Variants in TOM1L2 observed in about 807,000 individuals in gnomAD.
TOM1L2 encodes target of myb1 like 2 membrane trafficking protein.
TOM1L2 carries 31 observed loss-of-function variants against 67.9 expected under a neutral mutation model. The observed-to-expected ratio is 0.46, with a 90% CI of 0.34 to 0.62. The LOEUF is 0.62. Ranked by LOEUF, TOM1L2 falls within the 20% of genes least tolerant of loss-of-function variation. The pLI is 0.01. For synonymous variants in TOM1L2, 256 were observed against 254.0 expected, an observed-to-expected ratio of 1.01 and a Z score of -0.07; for missense variants, 606 against 663.5, an observed-to-expected ratio of 0.91 and a Z score of 0.95.
intron 1 of TOM1L2, among the ~76,000 whole-genome samples, chr17:17,938,601 C>G (rs1568329116): frequency 1.3e-5 from 2 of 152,156 alleles, no homozygotes; most frequent in Admixed American, 1.3e-4. Flanking sequence ...TTACAAATCT[C>G]TCCAGATTCC....
chr17:17,899,834 C>G (rs570008800), intron 2 of TOM1L2, among the ~76,000 whole-genome samples: 25 of 152,322 alleles, frequency 1.6e-4, no homozygotes, highest in African/African-American at 6.0e-4. Flanking sequence ...CATTTATACT[C>G]TACCAAATGA....
intron 6 of TOM1L2, among the ~76,000 whole-genome samples, chr17:17,880,173 C>T (rs1219026167): frequency 6.6e-6 from 1 of 152,166 alleles, no homozygotes; most frequent in Non-Finnish European, 1.5e-5. Context: ...TCCTATTCTA[C>T]AAAGCTCTGA....
chr17:17,846,999 GC>G lies in TOM1L2; in HGVS notation c.*635del, dbSNP rs536380193. 1.5e-3 allele frequency: 233 copies of G among 152,568 alleles called. 1 individual carries two copies. The highest frequency in any genetic ancestry group is 2.6e-3 in the Non-Finnish European group (178 of 68,234). The allele number at this position is 152,568 out of a possible 1,614,324, so 9.5% of individuals were successfully genotyped here. On this transcript the variant is annotated 3_prime_UTR_variant, in exon 15 of 15. Transcript: ENST00000379504. Reference sequence around the variant, plus strand: ...CCTCGGTGCCAGGCTCGGCTGCTGAGCCAGCTTGGGTGTGAAGCCTGGGCTG... The same window carrying G: ...CCTCGGTGCCAGGCTCGGCTGCTGAGCAGCTTGGGTGTGAAGCCTGGGCTG...
At chr17:17,918,916 T>C (rs1354889390) in intron 1 of TOM1L2, among the ~76,000 whole-genome samples, 5 of 152,196 alleles carry the variant, frequency 3.3e-5, no homozygotes, top group African/African-American at 1.2e-4. Flanking sequence ...GAGGGCCCTT[T>C]ATAAGTAAAA....
chr17:17,889,755 G>C (rs539818182), intron 4 of TOM1L2, among the ~76,000 whole-genome samples: 5 of 152,346 alleles, frequency 3.3e-5, no homozygotes, highest in Admixed American at 3.3e-4. Flanking sequence ...GCCAGTTTAA[G>C]TCCTTCCTGG....
At chr17:17,899,665 T>C (rs911672859) in intron 2 of TOM1L2, among the ~76,000 whole-genome samples, 2 of 152,218 alleles carry the variant, frequency 1.3e-5, no homozygotes, top group African/African-American at 4.8e-5. Context: ...ACCTGACCCA[T>C]CACCCTATGC....
intron 1 of TOM1L2, among the ~76,000 whole-genome samples, chr17:17,954,814 G>C (rs1404469233): frequency 6.6e-6 from 1 of 152,116 alleles, no homozygotes; most frequent in Non-Finnish European, 1.5e-5. Context: ...GTTAGAGGAG[G>C]AGAAAACTAA....
chr17:17,873,174 G>A (rs111589513), intron 7 of TOM1L2, among the ~76,000 whole-genome samples: 38 of 152,276 alleles, frequency 2.5e-4, no homozygotes, highest in African/African-American at 8.9e-4. Flanking sequence ...GCCTCAGGAT[G>A]TTTCCCCACT....
intron 1 of TOM1L2, among the ~76,000 whole-genome samples, chr17:17,965,144 G>A (rs1568403919): frequency 6.6e-6 from 1 of 151,502 alleles, no homozygotes; most frequent in South Asian, 2.1e-4. Context: ...TAGAGAGAAT[G>A]ATCTTCTGGT....
chr17:17,868,200 C>G (rs937110804), intron 8 of TOM1L2, among the ~76,000 whole-genome samples: 1 of 152,224 alleles, frequency 6.6e-6, no homozygotes, highest in Non-Finnish European at 1.5e-5. Context: ...ATATCTGCTC[C>G]TGTTCTCCAA....
chr17:17,898,826 A>T (rs773723970), intron 2 of TOM1L2, 152 bp from the exon 3 acceptor site: 1 of 714,554 alleles, frequency 1.4e-6, no homozygotes, highest in African/African-American at 1.8e-5. Context: ...ATGTCCATCA[A>T]TACACAACAG....
At chr17:17,906,548 G>A (rs1432930182) in intron 2 of TOM1L2, among the ~76,000 whole-genome samples, 1 of 152,118 alleles carries the variant, frequency 6.6e-6, no homozygotes, top group Admixed American at 6.6e-5. Context: ...CTTGTTTATG[G>A]CCTGCCTCCC....
intron 1 of TOM1L2, among the ~76,000 whole-genome samples, chr17:17,962,438 G>A (rs9905284): frequency 0.49 from 73,905 of 151,296 alleles, 19,058 homozygotes; most frequent in East Asian, 0.86. Flanking sequence ...TCAGCCTCCC[G>A]AGTACCTGGG....
In TOM1L2 at chr17:17,861,478, C is replaced by A; in HGVS notation, c.1276G>T (p.Gly426Trp). 1 of 1,614,002 alleles carries A rather than the reference C, an allele frequency of 6.2e-7. No homozygotes were observed. The highest frequency in any genetic ancestry group is 1.7e-5 in the Admixed American group (1 of 60,030). Reference protein sequence around the residue: ...ALDNRKQSSEGIPVAQPSVMD... With the variant: ...ALDNRKQSSEWIPVAQPSVMD... ...GAAAAACAGGGTTAAAGACCTACCC[C>A]TTCTGAACTCTGTTTTCGATTGTCT... is the stretch of plus-strand genomic sequence containing the variant. The change falls in exon 12 of 15, where the codon GGG (glycine) becomes TGG (tryptophan). Residue 426 changes from glycine (G) to tryptophan (W), a missense_variant and splice_region_variant. Physicochemically the swap from Gly to Trp is radical, Grantham distance 184. This residue lies in a region of TOM1L2 where 543 missense variants were observed against 554.0 expected (regional missense o/e 0.98). Coordinates refer to ENST00000379504, the MANE Select transcript of TOM1L2 (RefSeq NM_001082968.2).
intron 1 of TOM1L2, among the ~76,000 whole-genome samples, chr17:17,920,021 G>C (rs1276378220): frequency 1.3e-5 from 2 of 152,120 alleles, no homozygotes; most frequent in African/African-American, 4.8e-5. Context: ...CCATCCTCAG[G>C]TAGAGGGTCA....
chr17:17,925,826 G>C (rs1345562862), intron 1 of TOM1L2, among the ~76,000 whole-genome samples: 2 of 148,144 alleles, frequency 1.4e-5, no homozygotes, highest in Non-Finnish European at 3.0e-5. Flanking sequence ...CTGTACTCTA[G>C]CCTGGGTGAC....
intron 13 of TOM1L2, among the ~76,000 whole-genome samples, chr17:17,850,637 T>C (rs574197575): frequency 1.3e-5 from 2 of 152,326 alleles, no homozygotes; most frequent in Non-Finnish European, 2.9e-5. Flanking sequence ...CGGCTAGGAC[T>C]GTGTGGGTGA....
intron 10 of TOM1L2, chr17:17,863,473 G>C (rs903122366): frequency 6.6e-6 from 1 of 152,142 alleles, no homozygotes; most frequent in Non-Finnish European, 1.5e-5. Context: ...GGTGTGTGAA[G>C]TGAACAACGC....
intron 7 of TOM1L2, among the ~76,000 whole-genome samples, chr17:17,877,853 T>C (rs1237027564): frequency 6.6e-6 from 1 of 151,824 alleles, no homozygotes; most frequent in Admixed American, 6.6e-5. Context: ...TTAGGTTCTG[T>C]TTGTCTTGGC....
Sources: allele counts gnomAD v4.1 joint callset (sites outside exome capture counted in the v4.1 genomes callset), GRCh38; gene constraint gnomAD v4.1.1; regional missense constraint gnomAD v4.1.1; transcripts MANE v1.5; gene names NCBI Gene and HGNC (gene_info 2026-07-23, HGNC 2026-07-21).